Variants in PTK2B observed in about 807,000 individuals in gnomAD.
The protein encoded by PTK2B is protein tyrosine kinase 2 beta, also known as protein-tyrosine kinase 2-beta.
PTK2B carries 71 observed loss-of-function variants against 142.9 expected under a neutral mutation model. That is an observed-to-expected ratio of 0.50 (90% CI 0.41 to 0.61). PTK2B has a LOEUF of 0.61. Among genes scored for constraint, PTK2B ranks in the 20% least tolerant of loss-of-function variants. The probability of loss-of-function intolerance (pLI) is 0.00; values close to 1 mark genes in which losing one functional copy is unlikely to be tolerated. For synonymous variants in PTK2B, 519 were observed against 503.4 expected (o/e 1.03, Z -0.42); for missense variants, 1,105 against 1,320.4 (o/e 0.84, Z 2.53).
In PTK2B at chr8:27,437,250, C is replaced by T. The variant is rs79260420; in HGVS notation, c.1426+44C>T. 7 of 1,582,062 alleles carry T rather than the reference C, an allele frequency of 4.4e-6. No homozygotes were observed. In the East Asian group the frequency reaches 1.6e-4, roughly 35 times the overall value. On this transcript the variant is annotated intron_variant, in intron 16 of 30. Coordinates refer to ENST00000346049, the MANE Select transcript of PTK2B (RefSeq NM_173176.3). ...AACCAGGCCTCCAAGATGGGAGGGGCTTCAGCCTGGGAAGAGAGGGGTGAA... is the reference window on the plus strand; with the variant it reads ...AACCAGGCCTCCAAGATGGGAGGGGTTTCAGCCTGGGAAGAGAGGGGTGAA...
chr8:27,343,719 G>A (rs1308738684), intron 1 of PTK2B, among the ~76,000 whole-genome samples: 6 of 152,174 alleles, frequency 3.9e-5, no homozygotes, highest in South Asian at 2.1e-4. Flanking sequence ...AATTTCTTTC[G>A]CCAGGCGTGC....
intron 2 of PTK2B, among the ~76,000 whole-genome samples, chr8:27,409,814 G>A (rs1325571054): frequency 6.6e-6 from 1 of 152,234 alleles, no homozygotes; most frequent in South Asian, 2.1e-4. Context: ...CTCTGCCTCC[G>A]GGTTCAAGTG....
At chr8:27,311,270 T>A (rs1414568324), upstream of PTK2B, 9 of 1,466,964 alleles carry the variant, frequency 6.1e-6, no homozygotes, top group Non-Finnish European at 5.4e-6. Context: ...CCGGAACTTT[T>A]GCTCCGGCCC....
intron 1 of PTK2B, among the ~76,000 whole-genome samples, chr8:27,339,690 G>A (rs377004285): frequency 1.6e-4 from 24 of 152,332 alleles, no homozygotes; most frequent in Admixed American, 5.9e-4. Flanking sequence ...AGGCTCTGGC[G>A]TAGTTGACTC....
chr8:27,311,401 A>T, upstream of PTK2B: 53 of 812,650 alleles, frequency 6.5e-5, no homozygotes, highest in Middle Eastern at 4.1e-4. Flanking sequence ...GGCGAGGGGG[A>T]GGGAGGGGGC....
intron 27 of PTK2B, 200 bp downstream of exon 27, chr8:27,451,709 C>A: frequency 1.4e-6 from 2 of 1,424,916 alleles, no homozygotes; most frequent in Non-Finnish European, 1.8e-6. Context: ...CTGCCTAGCA[C>A]CCTGCCCTTC....
chr8:27,355,915 T>A (rs975447599), intron 1 of PTK2B, among the ~76,000 whole-genome samples: 1 of 151,272 alleles, frequency 6.6e-6, no homozygotes, highest in Non-Finnish European at 1.5e-5. Flanking sequence ...CTCAGCTACT[T>A]GGGAGGCTGA....
At chr8:27,310,768 G>A, upstream of PTK2B, 1 of 1,541,162 alleles carries the variant, frequency 6.5e-7, no homozygotes, top group Non-Finnish European at 8.8e-7. Flanking sequence ...TCCAGACCCG[G>A]CTCGGCCGCC....
intron 10 of PTK2B, 141 bp downstream of exon 10, chr8:27,432,502 GCACCAAGTTCTTAGA>G: frequency 5.7e-6 from 4 of 707,546 alleles, no homozygotes; most frequent in Non-Finnish European, 9.2e-6. Flanking sequence ...TAAGAAAACT[GCACCAAGTTCTTAGA>G]CAAAAGGTAC....
chr8:27,439,792 ACAGC>A (rs982432877), intron 20 of PTK2B, among the ~76,000 whole-genome samples: 5 of 152,208 alleles, frequency 3.3e-5, no homozygotes, highest in African/African-American at 1.2e-4. Flanking sequence ...TAGTGCTCCC[ACAGC>A]CAACCCTGTA....
chr8:27,450,940 T>C, intron 25 of PTK2B, 45 bp downstream of exon 25: 1 of 1,613,904 alleles, frequency 6.2e-7, no homozygotes. Flanking sequence ...CCCATCTGTG[T>C]CCTCTTCCAC....
intron 2 of PTK2B, among the ~76,000 whole-genome samples, chr8:27,414,487 C>T (rs1586270964): frequency 6.6e-6 from 1 of 152,204 alleles, no homozygotes; most frequent in Admixed American, 6.5e-5. Flanking sequence ...ACCTCGTGAT[C>T]CGCCCGCCTC....
intron 1 of PTK2B, among the ~76,000 whole-genome samples, chr8:27,391,495 T>C (rs1807725107): frequency 1.3e-5 from 2 of 152,364 alleles, no homozygotes; most frequent in South Asian, 4.1e-4. Context: ...AGCTGTTTAC[T>C]GAACACAACA....
At chr8:27,436,419 G>T in intron 15 of PTK2B, 71 bp downstream of exon 15, 1 of 1,470,798 alleles carries the variant, frequency 6.8e-7, no homozygotes, top group Non-Finnish European at 9.5e-7. Flanking sequence ...TCGAATCTGA[G>T]CAGGTTGGAG....
intron 1 of PTK2B, among the ~76,000 whole-genome samples, chr8:27,350,990 A>AAAAAAAAAAAAAAAAT (rs1554483396): frequency 8.3e-5 from 1 of 12,090 alleles, no homozygotes; most frequent in African/African-American, 3.2e-4. Context: ...AAAAAAAAAA[A>AAAAAAAAAAAAAAAAT]ATATATATAT....
chr8:27,428,200 T>A (rs1241885763), intron 5 of PTK2B, among the ~76,000 whole-genome samples: 6 of 152,170 alleles, frequency 3.9e-5, no homozygotes, highest in Admixed American at 3.9e-4. Flanking sequence ...ACCACTGATC[T>A]GACAGGAGAT....
At chr8:27,450,928 C>T in intron 25 of PTK2B, 33 bp downstream of exon 25, 3 of 1,614,038 alleles carry the variant, frequency 1.9e-6, no homozygotes, top group African/African-American at 1.3e-5. Context: ...CGGTGCCCTG[C>T]ACCCATCTGT....
chr8:27,355,703 C>T (rs1273821552), intron 1 of PTK2B, among the ~76,000 whole-genome samples: 2 of 152,142 alleles, frequency 1.3e-5, no homozygotes, highest in African/African-American at 4.8e-5. Flanking sequence ...GTGAAATAAT[C>T]AGATCTGTAG....
At chr8:27,333,016 C>T (rs909341908) in intron 1 of PTK2B, among the ~76,000 whole-genome samples, 3 of 152,194 alleles carry the variant, frequency 2.0e-5, no homozygotes, top group African/African-American at 4.8e-5. Context: ...AAAAGAGGCA[C>T]GAAGTGCTAT....
Sources: gnomAD v4.1 joint callset for allele counts (sites outside exome capture counted in the v4.1 genomes callset) on GRCh38, gnomAD v4.1.1 for gene constraint, MANE v1.5 for transcripts, NCBI Gene and HGNC (gene_info 2026-07-23, HGNC 2026-07-21) for gene names.